The following DRC9 variants were observed in gnomAD, a reference collection of about 807,000 sequenced individuals.
DRC9 encodes dynein regulatory complex subunit 9.
chr3:197,898,736 G>A, the DRC9 span, among the ~76,000 whole-genome samples: 3 of 152,128 alleles, frequency 2.0e-5, no homozygotes, highest in Admixed American at 6.6e-5. Context: ...TCACTATCAC[G>A]AGAACAGCAT....
At chr3:197,953,677 G>A in the DRC9 span, 4 of 441,054 alleles carry the variant, frequency 9.1e-6, no homozygotes, top group South Asian at 1.8e-5. Context: ...CCTCCTTTCT[G>A]TACACACAAA....
chr3:197,905,647 C>T, the DRC9 span, among the ~76,000 whole-genome samples: 4 of 152,008 alleles, frequency 2.6e-5, no homozygotes, highest in African/African-American at 9.7e-5. Context: ...ACTCGGGAGG[C>T]TGAGGCAGGA....
the DRC9 span, chr3:197,913,339 TGC>T: frequency 5.3e-5 from 12 of 227,334 alleles, no homozygotes; most frequent in African/African-American, 1.4e-4. Context: ...CGTGCGTGCG[TGC>T]GTGCGTGTGT....
At chr3:197,947,578 C>G in the DRC9 span, among the ~76,000 whole-genome samples, 1 of 152,204 alleles carries the variant, frequency 6.6e-6, no homozygotes, top group Non-Finnish European at 1.5e-5. Flanking sequence ...AGCCACTCTT[C>G]CCTCACCTTT....
At chr3:197,932,210 C>T in the DRC9 span, 2 of 1,613,332 alleles carry the variant, frequency 1.2e-6, no homozygotes, top group Non-Finnish European at 1.7e-6. Flanking sequence ...TTTGTTTTCC[C>T]TCTCTTTGCT....
the DRC9 span, chr3:197,951,324 C>T: frequency 1.2e-6 from 2 of 1,613,736 alleles, no homozygotes; most frequent in Non-Finnish European, 1.7e-6. Context: ...AAGTTTATGA[C>T]ACTGGTAGGT....
the DRC9 span, chr3:197,889,299 A>G: frequency 2.4e-6 from 1 of 411,278 alleles, no homozygotes; most frequent in East Asian, 4.0e-5. Context: ...TCTGCTGAGA[A>G]AGAGCAAGAA....
the DRC9 span, among the ~76,000 whole-genome samples, chr3:197,922,813 C>G: frequency 6.6e-6 from 1 of 151,654 alleles, no homozygotes; most frequent in Non-Finnish European, 1.5e-5. Context: ...AGATTCATGA[C>G]TTTTAAAATA....
the DRC9 span, among the ~76,000 whole-genome samples, chr3:197,907,797 T>C: frequency 6.6e-6 from 1 of 151,106 alleles, no homozygotes; most frequent in South Asian, 2.1e-4. Context: ...CAAGGCATCC[T>C]CCCAGATGAA....
At chr3:197,950,841 C>G in the DRC9 span, 4 of 1,134,496 alleles carry the variant, frequency 3.5e-6, no homozygotes, top group East Asian at 4.7e-5. Flanking sequence ...AAACTCCCAT[C>G]CAAAAGGAAT....
the DRC9 span, among the ~76,000 whole-genome samples, chr3:197,940,808 C>T: frequency 2.6e-5 from 4 of 152,068 alleles, no homozygotes; most frequent in African/African-American, 9.7e-5. Flanking sequence ...TTTTAAATTG[C>T]TATTAATCAA....
the DRC9 span, among the ~76,000 whole-genome samples, chr3:197,924,232 G>A: frequency 1.3e-5 from 2 of 151,550 alleles, no homozygotes; most frequent in African/African-American, 4.9e-5. Flanking sequence ...GGTGGTGCAT[G>A]CCTGTAGTCC....
At chr3:197,932,045 A>C in the DRC9 span, 6 of 995,946 alleles carry the variant, frequency 6.0e-6, no homozygotes, top group Non-Finnish European at 5.9e-6. Context: ...AGAAAACCCA[A>C]ATTCTGACTT....
chr3:197,950,644 G>A, the DRC9 span: 1 of 475,608 alleles, frequency 2.1e-6, no homozygotes, highest in South Asian at 2.7e-5. Context: ...CCTGAGTGTT[G>A]CCTACTGATA....
the DRC9 span, among the ~76,000 whole-genome samples, chr3:197,946,102 A>G: frequency 2.6e-5 from 4 of 152,122 alleles, no homozygotes; most frequent in South Asian, 8.3e-4. Flanking sequence ...TTTGCTCCAC[A>G]TGGACTTAGA....
the DRC9 span, chr3:197,950,401 C>A: frequency 9.1e-7 from 1 of 1,096,946 alleles, no homozygotes; most frequent in Non-Finnish European, 1.1e-6. Context: ...GGTCCCCTGA[C>A]ACCCGGAGAA....
chr3:197,889,460 A>T, the DRC9 span: 1 of 1,155,080 alleles, frequency 8.7e-7, no homozygotes, highest in Non-Finnish European at 1.3e-6. Context: ...CTTCCCTGGG[A>T]AAGTCTCAAT....
the DRC9 span, among the ~76,000 whole-genome samples, chr3:197,942,633 C>T: frequency 0.027 from 4,164 of 151,904 alleles, 228 homozygotes; most frequent in African/African-American, 0.096. Context: ...AGAATATCTT[C>T]TGGGCTGGGT....
the DRC9 span, among the ~76,000 whole-genome samples, chr3:197,912,213 A>AT: frequency 2.0e-5 from 3 of 150,556 alleles, no homozygotes; most frequent in African/African-American, 7.3e-5. Context: ...TAATTTTTGT[A>AT]TTTTTTAATA....
Sources: allele counts gnomAD v4.1 joint callset (sites outside exome capture counted in the v4.1 genomes callset), GRCh38; gene constraint gnomAD v4.1.1; transcripts MANE v1.5; gene names NCBI Gene and HGNC (gene_info 2026-07-23, HGNC 2026-07-21).